The following DSCAM variants were observed in gnomAD, a reference collection of about 807,000 sequenced individuals.
DSCAM encodes cell adhesion molecule DSCAM.
DSCAM carries 47 observed loss-of-function variants against 217.7 expected under a neutral mutation model. The ratio of observed to expected loss-of-function variants is 0.22; its 90% CI spans 0.17 to 0.28. The LOEUF (loss-of-function observed/expected upper bound fraction) is 0.28, where lower values mean the gene tolerates loss of function less well. Ranked by LOEUF, DSCAM falls within the 10% of genes least tolerant of loss-of-function variation. The pLI, the probability that DSCAM is intolerant of heterozygous loss-of-function variation, is 1.00. For synonymous variants in DSCAM, 1,056 were observed against 1,015.3 expected (o/e 1.04, Z -0.76); for missense variants, 2,080 against 2,618.3 (o/e 0.79, Z 4.49).
chr21:40,699,653 A>G (rs1433865629), intron 2 of DSCAM, among the ~76,000 whole-genome samples: 2 of 152,224 alleles, frequency 1.3e-5, no homozygotes, highest in African/African-American at 4.8e-5. Context: ...TGATTAAACT[A>G]GCCACAACAT....
intron 3 of DSCAM, among the ~76,000 whole-genome samples, chr21:40,643,519 T>C (rs13048660): frequency 0.094 from 14,324 of 152,242 alleles, 795 homozygotes; most frequent in Middle Eastern, 0.16. Context: ...CAGAGTGGAC[T>C]GCAAAGCTCT....
intron 8 of DSCAM, among the ~76,000 whole-genome samples, chr21:40,315,953 G>A (rs2074192066): frequency 6.6e-6 from 1 of 152,102 alleles, no homozygotes; most frequent in Non-Finnish European, 1.5e-5. Context: ...ACACAAAAAC[G>A]CAACACACAC....
chr21:40,810,007 C>T (rs1272153847), intron 1 of DSCAM, among the ~76,000 whole-genome samples: 1 of 152,192 alleles, frequency 6.6e-6, no homozygotes, highest in East Asian at 1.9e-4. Context: ...CAGTGTCGCT[C>T]CAGAAGGAAC....
chr21:40,293,638 G>A (rs926333974), intron 10 of DSCAM, among the ~76,000 whole-genome samples: 2 of 152,160 alleles, frequency 1.3e-5, no homozygotes, highest in Non-Finnish European at 2.9e-5. Context: ...TGGCCAACAT[G>A]GTGAAACCTC....
intron 3 of DSCAM, among the ~76,000 whole-genome samples, chr21:40,462,502 C>A (rs181876199): frequency 6.6e-6 from 1 of 152,150 alleles, no homozygotes; most frequent in Non-Finnish European, 1.5e-5. Flanking sequence ...ATTGGAATCA[C>A]GTGGAGATCT....
intron 9 of DSCAM, among the ~76,000 whole-genome samples, chr21:40,304,333 G>T (rs568587203): frequency 6.6e-6 from 1 of 152,372 alleles, no homozygotes; most frequent in East Asian, 1.9e-4. Context: ...ATAGAAGAGA[G>T]TTAGGGCCTT....
intron 8 of DSCAM, among the ~76,000 whole-genome samples, chr21:40,329,507 G>A (rs917553986): frequency 6.6e-6 from 1 of 151,790 alleles, no homozygotes; most frequent in Non-Finnish European, 1.5e-5. Flanking sequence ...CCAGCTACTT[G>A]GGAGGCTGAG....
In DSCAM at chr21:40,128,244, C is replaced by T. The variant is rs2090117137; in HGVS notation, c.3563-3916G>A. Among the ~76,000 whole-genome samples the T allele has an allele frequency of 2.0e-5, 3 of 148,876 alleles. No homozygotes were observed. The Admixed American group carries it at 2.0e-4, about 10-fold the overall frequency. ...TCTGGAACATACTAGATCCTCAATA[C>T]AGATTTTCCAAGAGTGGAAAAATGA... is the stretch of plus-strand genomic sequence containing the variant. On this transcript the variant is annotated intron_variant, in intron 19 of 32. Transcript: ENST00000400454.
chr21:40,632,198 G>A (rs2089700700), intron 3 of DSCAM, among the ~76,000 whole-genome samples: 1 of 152,122 alleles, frequency 6.6e-6, no homozygotes, highest in Non-Finnish European at 1.5e-5. Flanking sequence ...TCAGAAATAG[G>A]AGGGCAAAAT....
Position 40,730,751 on chromosome 21 carries a change from G to C in DSCAM, c.44-21980C>G, listed in dbSNP as rs187244857. 2.4e-4 allele frequency among the ~76,000 whole-genome samples: 36 copies of C among 152,300 alleles called. 1 individual carries two copies. The East Asian group carries it at 6.9e-3, about 29-fold the overall frequency. ...AAGACCCCGGACTCACAATACCCCA[G>C]ATTTCAAATCAGTAGATTTAGAGTA... On this transcript the variant is annotated intron_variant, in intron 1 of 32. Coordinates refer to ENST00000400454, the MANE Select transcript of DSCAM (RefSeq NM_001389.5).
intron 8 of DSCAM, among the ~76,000 whole-genome samples, chr21:40,332,578 G>A (rs376806176): frequency 3.3e-5 from 5 of 152,266 alleles, no homozygotes; most frequent in South Asian, 2.1e-4. Context: ...ATTAAGCACC[G>A]TTCAAGTTCA....
intron 1 of DSCAM, among the ~76,000 whole-genome samples, chr21:40,805,568 C>T (rs771063970): frequency 2.0e-5 from 3 of 152,220 alleles, no homozygotes; most frequent in Non-Finnish European, 4.4e-5. Flanking sequence ...GGGAATTACG[C>T]CATGACCCCT....
chr21:40,049,278 C>T (rs2088891139), intron 30 of DSCAM, among the ~76,000 whole-genome samples: 1 of 152,216 alleles, frequency 6.6e-6, no homozygotes, highest in South Asian at 2.1e-4. Flanking sequence ...ACAGCTGTTT[C>T]TCTGTCTCAC....
chr21:40,569,371 G>A (rs9981739), intron 3 of DSCAM, among the ~76,000 whole-genome samples: 67,424 of 152,008 alleles, frequency 0.44, 15,817 homozygotes, highest in Admixed American at 0.54. Context: ...GTTAACAGCT[G>A]TAATCAATTT....
chr21:40,744,391 T>C (rs1005230466), intron 1 of DSCAM, among the ~76,000 whole-genome samples: 3 of 152,128 alleles, frequency 2.0e-5, no homozygotes, highest in Non-Finnish European at 4.4e-5. Context: ...TCTGAATCTC[T>C]GGCCAGACTT....
intron 14 of DSCAM, among the ~76,000 whole-genome samples, chr21:40,179,964 A>G (rs772821458): frequency 1.2e-4 from 18 of 152,240 alleles, no homozygotes; most frequent in Admixed American, 5.2e-4. Context: ...TGGTGCCTAC[A>G]TATTCCCACC....
rs574033086 is a variant in DSCAM, at chr21:40,186,937, C to G, written c.2779+194G>C. On this transcript the variant is annotated intron_variant, in intron 14 of 32. Coordinates refer to ENST00000400454, the MANE Select transcript of DSCAM (RefSeq NM_001389.5). ...CTGGCTAAAAAAGAAAGAAGCAGAGCTGAGCCTCAACACGAAACTCCACTC... is the reference window on the plus strand; with the variant it reads ...CTGGCTAAAAAAGAAAGAAGCAGAGGTGAGCCTCAACACGAAACTCCACTC... 3.9e-5 allele frequency among the ~76,000 whole-genome samples: 6 copies of G among 152,304 alleles called. No homozygotes were observed. In the East Asian group the frequency reaches 7.7e-4, roughly 20 times the overall value.
At chr21:40,725,356 GA>G (rs11312320) in intron 1 of DSCAM, among the ~76,000 whole-genome samples, 90,372 of 151,568 alleles carry the variant, frequency 0.6, 29,428 homozygotes, top group African/African-American at 0.88. Context: ...AGCAGTGATG[GA>G]AAAAAAAACC....
At chr21:40,701,201 T>G (rs547865154) in intron 2 of DSCAM, among the ~76,000 whole-genome samples, 2 of 152,326 alleles carry the variant, frequency 1.3e-5, no homozygotes, top group African/African-American at 4.8e-5. Context: ...TGATAGTTTG[T>G]GTTTCTCAAA....
Sources: gnomAD v4.1 joint callset for allele counts (sites outside exome capture counted in the v4.1 genomes callset) on GRCh38, gnomAD v4.1.1 for gene constraint, MANE v1.5 for transcripts, NCBI Gene and HGNC (gene_info 2026-07-23, HGNC 2026-07-21) for gene names.